The following PDGFD variants were observed in gnomAD, a reference collection of about 807,000 sequenced individuals.
The protein encoded by PDGFD is platelet-derived growth factor D.
In PDGFD, 30 loss-of-function variants were observed where a neutral mutation model predicts 44.7. That is an observed-to-expected ratio of 0.67 (90% confidence interval 0.50 to 0.91). The LOEUF (loss-of-function observed/expected upper bound fraction) is 0.91, where lower values mean the gene tolerates loss of function less well. PDGFD is among the 40% of genes least tolerant of loss of function. The probability of loss-of-function intolerance (pLI) is 0.00; values close to 1 mark genes in which losing one functional copy is unlikely to be tolerated. For synonymous variants in PDGFD, 173 were observed against 168.4 expected (o/e 1.03, Z -0.21); for missense variants, 445 against 457.8 (o/e 0.97, Z 0.25).
At chr11:103,987,091 C>T (rs1249700817) in intron 3 of PDGFD, among the ~76,000 whole-genome samples, 1 of 136,512 alleles carries the variant, frequency 7.3e-6, no homozygotes, top group Admixed American at 8.3e-5. Context: ...AACAAATTAT[C>T]CTTAAAAACT....
intron 1 of PDGFD, among the ~76,000 whole-genome samples, chr11:104,003,081 G>A (rs1006308938): frequency 6.6e-6 from 1 of 152,180 alleles, no homozygotes; most frequent in South Asian, 2.1e-4. Context: ...TTTAAAGAAT[G>A]GTTCTTGTCT....
chr11:104,030,449 G>A (rs1203395297), intron 1 of PDGFD, among the ~76,000 whole-genome samples: 2 of 152,200 alleles, frequency 1.3e-5, no homozygotes, highest in African/African-American at 2.4e-5. Flanking sequence ...GAATTGAGAA[G>A]AAGGCCACTC....
At chr11:103,922,035 C>T (rs1858232420) in intron 6 of PDGFD, among the ~76,000 whole-genome samples, 1 of 151,682 alleles carries the variant, frequency 6.6e-6, no homozygotes, top group African/African-American at 2.4e-5. Context: ...GTGGTTAGGT[C>T]AAGCATCCTG....
At chr11:104,126,990 G>T (rs1861851020) in intron 1 of PDGFD, among the ~76,000 whole-genome samples, 1 of 152,002 alleles carries the variant, frequency 6.6e-6, no homozygotes, top group African/African-American at 2.4e-5. Context: ...GGGTAGAAGG[G>T]GAGTTCAGAA....
intron 1 of PDGFD, among the ~76,000 whole-genome samples, chr11:104,112,742 A>G (rs361287): frequency 0.46 from 70,439 of 151,876 alleles, 17,419 homozygotes; most frequent in African/African-American, 0.64. Context: ...GGAACTGGAG[A>G]CCATTATCCT....
chr11:104,099,284 T>C (rs1591162805), intron 1 of PDGFD, among the ~76,000 whole-genome samples: 1 of 152,188 alleles, frequency 6.6e-6, no homozygotes, highest in Non-Finnish European at 1.5e-5. Flanking sequence ...AGTTTAGATA[T>C]CTATCCTAAA....
intron 1 of PDGFD, among the ~76,000 whole-genome samples, chr11:104,151,983 T>G (rs748823399): frequency 6.6e-6 from 1 of 152,192 alleles, no homozygotes; most frequent in Non-Finnish European, 1.5e-5. Context: ...GGCACTGCCT[T>G]GCCCTATGTT....
chr11:103,955,460 A>G (rs957515469), intron 3 of PDGFD, among the ~76,000 whole-genome samples: 1 of 152,216 alleles, frequency 6.6e-6, no homozygotes, highest in Non-Finnish European at 1.5e-5. Context: ...CTTAACGTCT[A>G]CAGGAATAGA....
chr11:103,976,774 C>T (rs960188099), intron 3 of PDGFD, among the ~76,000 whole-genome samples: 1 of 151,958 alleles, frequency 6.6e-6, no homozygotes, highest in Non-Finnish European at 1.5e-5. Flanking sequence ...TGAATTTTAT[C>T]AAAGGCCTTT....
intron 1 of PDGFD, among the ~76,000 whole-genome samples, chr11:104,142,185 C>A (rs1442557092): frequency 6.6e-6 from 1 of 151,946 alleles, no homozygotes; most frequent in Non-Finnish European, 1.5e-5. Context: ...GTTTGCATGC[C>A]TGTACATACA....
At chr11:103,917,138 TAAG>T (rs1858140318) in intron 6 of PDGFD, among the ~76,000 whole-genome samples, 2 of 151,978 alleles carry the variant, frequency 1.3e-5, no homozygotes, top group Admixed American at 6.6e-5. Context: ...TGGCCATAAA[TAAG>T]TAAAATGTGT....
At chr11:104,119,515 A>ATATAAT (rs1591174452) in intron 1 of PDGFD, among the ~76,000 whole-genome samples, 1 of 29,562 alleles carries the variant, frequency 3.4e-5, no homozygotes, top group Non-Finnish European at 5.7e-5. Context: ...ATAATATATT[A>ATATAAT]ATATAATATA....
intron 1 of PDGFD, among the ~76,000 whole-genome samples, chr11:104,137,728 CTTTTTTTTTTTT>C (rs5794295): frequency 2.6e-5 from 2 of 76,618 alleles, no homozygotes; most frequent in Admixed American, 3.3e-4. Context: ...TAGATCACCA[CTTTTTTTTTTTT>C]TTTTTTTTTT....
rs147929395 is a variant in PDGFD at position 104,062,132 on chromosome 11, A to G, written c.125-61877T>C. On this transcript the variant is annotated intron_variant, in intron 1 of 6. Coordinates refer to ENST00000393158, the MANE Select transcript of PDGFD (RefSeq NM_025208.5). ...GAAGAAGGGACAGCTTTTCAATGAC[A>G]TTTTGTTTGCAATAGGAGATAAAGG... Among the ~76,000 whole-genome samples the G allele has an allele frequency of 4.6e-3, 702 of 152,324 alleles. 3 individuals are homozygous for G. The highest frequency in any genetic ancestry group is 0.016 in the African/African-American group (667 of 41,576).
intron 6 of PDGFD, among the ~76,000 whole-genome samples, chr11:103,912,584 T>C (rs937494368): frequency 3.3e-5 from 5 of 152,080 alleles, no homozygotes; most frequent in Non-Finnish European, 5.9e-5. Flanking sequence ...ACGGGCAAAA[T>C]AACCAGCTAG....
intron 3 of PDGFD, among the ~76,000 whole-genome samples, chr11:103,978,894 A>T (rs1337625104): frequency 6.6e-6 from 1 of 151,994 alleles, no homozygotes; most frequent in Admixed American, 6.6e-5. Flanking sequence ...GAACTTGGGG[A>T]TGGTATTGTC....
chr11:103,911,593 C>T (rs552649598), intron 6 of PDGFD, among the ~76,000 whole-genome samples: 25 of 152,106 alleles, frequency 1.6e-4, no homozygotes, highest in Admixed American at 4.6e-4. Flanking sequence ...CACAACTCCT[C>T]GCCAGCAAGG....
At chr11:104,158,151 A>G (rs1478060849) in intron 1 of PDGFD, among the ~76,000 whole-genome samples, 1 of 152,202 alleles carries the variant, frequency 6.6e-6, no homozygotes, top group African/African-American at 2.4e-5. Context: ...ATTAAAGCGC[A>G]TATCACACTC....
At chr11:104,084,877 T>C (rs1444806430) in intron 1 of PDGFD, among the ~76,000 whole-genome samples, 6 of 132,336 alleles carry the variant, frequency 4.5e-5, no homozygotes, top group Non-Finnish European at 9.1e-5. Context: ...TAAAAATATA[T>C]AATGAATATA....
Sources: gnomAD v4.1 joint callset for allele counts (sites outside exome capture counted in the v4.1 genomes callset) on GRCh38, gnomAD v4.1.1 for gene constraint, MANE v1.5 for transcripts, NCBI Gene and HGNC (gene_info 2026-07-23, HGNC 2026-07-21) for gene names.